ZBBX: variants seen among roughly 807,000 people sequenced by gnomAD.
The protein encoded by ZBBX is zinc finger B-box domain containing.
ZBBX carries 101 observed loss-of-function variants against 108.5 expected under a neutral mutation model. The observed-to-expected ratio is 0.93, with a 90% confidence interval of 0.79 to 1.10. The LOEUF is 1.10. Among genes scored for constraint, ZBBX ranks in the 50% least tolerant of loss-of-function variants. ZBBX has a pLI of 0.00. For synonymous variants in ZBBX, 356 were observed against 323.4 expected (o/e 1.10, Z -1.08); for missense variants, 1,009 against 941.4 (o/e 1.07, Z -0.94).
At chr3:167,371,934 C>G (rs1325347343) in intron 4 of ZBBX, among the ~76,000 whole-genome samples, 5 of 152,166 alleles carry the variant, frequency 3.3e-5, no homozygotes, top group Non-Finnish European at 7.3e-5. Flanking sequence ...ATAGTCTGGG[C>G]TGGGTGCACT....
chr3:167,195,893 GTT>G, the ZBBX span, among the ~76,000 whole-genome samples: 1 of 152,156 alleles, frequency 6.6e-6, no homozygotes, highest in African/African-American at 2.4e-5. Context: ...AAGTTCAAGA[GTT>G]TTATCTTCTC....
chr3:167,318,990 G>A (rs555338044), intron 12 of ZBBX, among the ~76,000 whole-genome samples: 2 of 151,962 alleles, frequency 1.3e-5, no homozygotes, highest in African/African-American at 2.4e-5. Context: ...CAGAACTCTC[G>A]TACCTTGCTG....
At chr3:167,288,412 G>T (rs535801331) in intron 19 of ZBBX, among the ~76,000 whole-genome samples, 1 of 152,178 alleles carries the variant, frequency 6.6e-6, no homozygotes, top group South Asian at 2.1e-4. Flanking sequence ...ATTATATTTA[G>T]AACTAAGCTT....
Position 167,290,951 on chromosome 3 carries a change from T to C in ZBBX, c.1880-1968A>G, listed in dbSNP as rs183358486. Among the ~76,000 whole-genome samples the C allele has an allele frequency of 2.0e-5, 3 of 152,018 alleles. No homozygotes were observed. The East Asian group carries it at 5.8e-4, about 30-fold the overall frequency. The stretch of plus-strand genomic sequence containing the variant: ...GCTGAATAGATCAAGCGGAAGAAAG[T>C]ATATCAGAGATTAAAGATCAACTCA... On this transcript the variant is annotated intron_variant, in intron 18 of 21. Transcript: ENST00000675490.
In ZBBX at chr3:167,252,318, G is replaced by A. The variant is rs1722759623; in HGVS notation, c.2255-9675C>T. On this transcript the variant is annotated intron_variant, in intron 20 of 21. Coordinates refer to ENST00000675490, the MANE Select transcript of ZBBX (RefSeq NM_001199201.2). The stretch of plus-strand genomic sequence containing the variant: ...TATATAAGCATCCAGTGGTGTGGAG[G>A]TGTATGTCTGAGAGCAAACCTCATG... The A allele has an allele frequency of 6.2e-6, 4 of 643,758 alleles. No homozygotes were observed. In the South Asian group the frequency reaches 6.9e-5, roughly 11 times the overall value. The allele number at this position is 643,758 out of a possible 1,614,324, so 39.9% of individuals were successfully genotyped here.
the ZBBX span, among the ~76,000 whole-genome samples, chr3:167,231,802 GA>G: frequency 6.6e-6 from 1 of 151,674 alleles, no homozygotes; most frequent in Admixed American, 6.6e-5. Flanking sequence ...TTCATTCCAA[GA>G]AATTAGATGT....
At chr3:167,345,488 C>T (rs1352992537) in intron 9 of ZBBX, among the ~76,000 whole-genome samples, 1 of 151,782 alleles carries the variant, frequency 6.6e-6, no homozygotes, top group East Asian at 1.9e-4. Context: ...TTAATACTTA[C>T]AAATAGAAAA....
intron 1 of ZBBX, among the ~76,000 whole-genome samples, chr3:167,392,109 T>C (rs1748099815): frequency 6.6e-6 from 1 of 151,816 alleles, no homozygotes; most frequent in Admixed American, 6.6e-5. Context: ...CACTAAGGAA[T>C]AATTTTTCTG....
intron 15 of ZBBX, 89 bp downstream of exon 15, chr3:167,315,661 C>T: frequency 2.2e-6 from 2 of 924,426 alleles, no homozygotes; most frequent in Admixed American, 2.1e-5. Context: ...TTTCACACCA[C>T]ATATTTCACA....
At chr3:167,370,162 T>G (rs1745937733) in intron 4 of ZBBX, among the ~76,000 whole-genome samples, 1 of 152,182 alleles carries the variant, frequency 6.6e-6, no homozygotes, top group Admixed American at 6.5e-5. Flanking sequence ...GACAACCAAT[T>G]AGTAGACTAT....
chr3:167,394,921 A>G (rs1310740316), intron 1 of ZBBX, among the ~76,000 whole-genome samples: 1 of 152,030 alleles, frequency 6.6e-6, no homozygotes, highest in African/African-American at 2.4e-5. Flanking sequence ...ACCCTGATGG[A>G]AGGACAAATT....
At chr3:167,261,369 C>A (rs548157968) in intron 20 of ZBBX, among the ~76,000 whole-genome samples, 4 of 148,902 alleles carry the variant, frequency 2.7e-5, no homozygotes, top group South Asian at 2.2e-4. Context: ...GAGGAACTGG[C>A]GGTGGTCGGG....
chr3:167,234,430 T>A, the ZBBX span, among the ~76,000 whole-genome samples: 1 of 151,864 alleles, frequency 6.6e-6, no homozygotes, highest in South Asian at 2.1e-4. Flanking sequence ...GAATGTGTTT[T>A]GAGAAATCCT....
At chr3:167,362,528 C>T (rs1744680145) in intron 6 of ZBBX, among the ~76,000 whole-genome samples, 1 of 152,110 alleles carries the variant, frequency 6.6e-6, no homozygotes, top group African/African-American at 2.4e-5. Context: ...ACTGAAACTT[C>T]GCAATTCTGT....
chr3:167,233,645 C>G, the ZBBX span, among the ~76,000 whole-genome samples: 3 of 151,726 alleles, frequency 2.0e-5, no homozygotes, highest in South Asian at 6.2e-4. Flanking sequence ...CCATAACCCC[C>G]CTTTAAGTAT....
At chr3:167,382,974 A>G (rs930917961), upstream of ZBBX, among the ~76,000 whole-genome samples, 3 of 152,134 alleles carry the variant, frequency 2.0e-5, no homozygotes, top group Non-Finnish European at 4.4e-5. Context: ...CTCAATTCCT[A>G]TATACAGTCA....
intron 1 of ZBBX, among the ~76,000 whole-genome samples, chr3:167,385,819 T>C (rs1747893950): frequency 6.6e-6 from 1 of 152,080 alleles, no homozygotes; most frequent in African/African-American, 2.4e-5. Context: ...CCATTGTATA[T>C]GTCATCCCGT....
At chr3:167,362,936 A>G (rs1258704456) in intron 6 of ZBBX, among the ~76,000 whole-genome samples, 1 of 151,802 alleles carries the variant, frequency 6.6e-6, no homozygotes, top group African/African-American at 2.4e-5. Context: ...TCTGCTTGAC[A>G]GTCTTAGAGA....
chr3:167,305,631 A>C lies in ZBBX; in HGVS notation c.1725+12T>G, dbSNP rs1445355255. 6.6e-7 allele frequency: 1 copy of C among 1,513,044 alleles called. No homozygotes were observed. 93.7% of individuals were successfully genotyped at this position (1,513,044 alleles called of 1,614,324 possible). A position where few individuals can be genotyped will look rare whatever the true frequency, so the allele number is the denominator to read the frequency against. ...ATAAAATTTTAATATAATAAACATA[A>C]TAGAGATTTACCAGTGATGACTTTG... On this transcript the variant is annotated intron_variant, in intron 17 of 21. Transcript: ENST00000675490.
Sources: allele counts gnomAD v4.1 joint callset (sites outside exome capture counted in the v4.1 genomes callset), GRCh38; gene constraint gnomAD v4.1.1; transcripts MANE v1.5; gene names NCBI Gene and HGNC (gene_info 2026-07-23, HGNC 2026-07-21).